RBFOX1: variants seen among roughly 807,000 people sequenced by gnomAD.
RBFOX1 encodes the protein RNA binding fox-1 homolog 1.
In RBFOX1, 8 loss-of-function variants were observed where a neutral mutation model predicts 57.7. The observed-to-expected ratio is 0.14, with a 90% CI of 0.08 to 0.25. RBFOX1 has a LOEUF of 0.25. Among genes scored for constraint, RBFOX1 ranks in the 10% least tolerant of loss-of-function variants. RBFOX1 has a pLI of 1.00. For missense variants in RBFOX1, 611 were observed against 548.5 expected (o/e 1.11, Z -1.14); for synonymous variants, 326 against 222.4 (o/e 1.47, Z -4.15).
At chr16:5,648,928 A>T (rs1452505330) in intron 3 of RBFOX1, among the ~76,000 whole-genome samples, 1 of 151,786 alleles carries the variant, frequency 6.6e-6, no homozygotes, top group African/African-American at 2.4e-5. Context: ...GCCGGGTGTG[A>T]TGGTTCTCAC....
At chr16:5,886,735 A>G (rs1481958324) in intron 4 of RBFOX1, among the ~76,000 whole-genome samples, 6 of 152,156 alleles carry the variant, frequency 3.9e-5, no homozygotes, top group Admixed American at 3.9e-4. Context: ...TTAAAATACA[A>G]AAATTAGCTC....
rs559937455 is a variant in RBFOX1 at position 6,493,570 on chromosome 16, G to C, written c.-63-161033G>C. 1.4e-4 allele frequency among the ~76,000 whole-genome samples: 22 copies of C among 152,164 alleles called. 1 individual carries two copies. In the South Asian group the frequency reaches 2.3e-3, roughly 16 times the overall value. ...TAGCTGTGTATGAAAATTGTATTTT[G>C]TGCCGAATTTCCCACTGTGAAAGAT... On this transcript the variant is annotated intron_variant, in intron 2 of 15. Coordinates refer to ENST00000550418, the MANE Select transcript of RBFOX1 (RefSeq NM_018723.4).
intron 1 of RBFOX1, among the ~76,000 whole-genome samples, chr16:6,154,138 G>A (rs537244460): frequency 7.9e-5 from 12 of 152,302 alleles, no homozygotes; most frequent in Non-Finnish European, 1.0e-4. Flanking sequence ...TCACGCTGAC[G>A]CTTACTAAGC....
chr16:5,306,123 C>T (rs559493513), intron 1 of RBFOX1, among the ~76,000 whole-genome samples: 77 of 152,228 alleles, frequency 5.1e-4, no homozygotes, highest in African/African-American at 1.7e-3. Context: ...ATTGCTTGAG[C>T]CCAGGAGGTT....
chr16:6,583,298 C>T (rs371185040), intron 2 of RBFOX1, among the ~76,000 whole-genome samples: 4 of 152,122 alleles, frequency 2.6e-5, no homozygotes, highest in Non-Finnish European at 2.9e-5. Flanking sequence ...CAGGAACTAC[C>T]TTTCCCTGAG....
At chr16:6,362,810 G>A (rs1252068462) in intron 2 of RBFOX1, among the ~76,000 whole-genome samples, 1 of 152,196 alleles carries the variant, frequency 6.6e-6, no homozygotes, top group East Asian at 1.9e-4. Flanking sequence ...CACTGGCAGT[G>A]CAACTTCATT....
chr16:6,693,716 C>G (rs1257129855), intron 3 of RBFOX1, among the ~76,000 whole-genome samples: 2 of 151,792 alleles, frequency 1.3e-5, no homozygotes, highest in South Asian at 2.1e-4. Flanking sequence ...TCCTCCACTA[C>G]CATCACCACC....
At chr16:7,001,487 C>T (rs932487827) in intron 3 of RBFOX1, among the ~76,000 whole-genome samples, 11 of 151,318 alleles carry the variant, frequency 7.3e-5, no homozygotes, top group South Asian at 4.2e-4. Flanking sequence ...GATGGAGTCT[C>T]GCTTTGTTGC....
chr16:5,729,694 G>C (rs1355158417), intron 3 of RBFOX1, among the ~76,000 whole-genome samples: 1 of 152,078 alleles, frequency 6.6e-6, no homozygotes, highest in Admixed American at 6.5e-5. Flanking sequence ...ATTTGGGTAG[G>C]GCTGTCGGAA....
intron 3 of RBFOX1, among the ~76,000 whole-genome samples, chr16:7,000,127 A>G (rs1568304935): frequency 6.6e-6 from 1 of 151,840 alleles, no homozygotes; most frequent in Non-Finnish European, 1.5e-5. Context: ...TATTATTTTT[A>G]AAGTTTTCAG....
chr16:5,575,538 C>T (rs961650527), intron 2 of RBFOX1, among the ~76,000 whole-genome samples: 1 of 152,190 alleles, frequency 6.6e-6, no homozygotes, highest in Non-Finnish European at 1.5e-5. Flanking sequence ...TCTGACAGTA[C>T]ACTGCCTGGC....
intron 1 of RBFOX1, among the ~76,000 whole-genome samples, chr16:6,238,877 G>C (rs2097525238): frequency 6.6e-6 from 1 of 152,162 alleles, no homozygotes; most frequent in South Asian, 2.1e-4. Context: ...ATCCCCTCAA[G>C]CATTTATTCT....
At chr16:7,328,335 G>A (rs1437675119) in intron 4 of RBFOX1, among the ~76,000 whole-genome samples, 2 of 151,792 alleles carry the variant, frequency 1.3e-5, no homozygotes, top group Non-Finnish European at 2.9e-5. Context: ...CAAAAATTAG[G>A]CAGGTGTGGT....
chr16:6,767,566 A>G (rs924394246), intron 3 of RBFOX1, among the ~76,000 whole-genome samples: 2 of 152,156 alleles, frequency 1.3e-5, no homozygotes, highest in African/African-American at 4.8e-5. Context: ...AATAATGTCA[A>G]ATATAGCATT....
At position 6,515,400 on chromosome 16, in the gene RBFOX1, T is replaced by G. The variant is rs540611815; in HGVS notation, c.-63-139203T>G. 2.0e-5 allele frequency among the ~76,000 whole-genome samples: 3 copies of G among 152,316 alleles called. No individual in the cohort carries two copies. The East Asian group carries it at 5.8e-4, about 29-fold the overall frequency. ...TGAGCATTACGTAAAACCAAACATA[T>G]GAGCCTGAGATTTAGAGTCCTCCCA... On this transcript the variant is annotated intron_variant, in intron 2 of 15. Coordinates refer to ENST00000550418, the MANE Select transcript of RBFOX1 (RefSeq NM_018723.4).
chr16:5,893,511 C>T (rs946506032), intron 4 of RBFOX1, among the ~76,000 whole-genome samples: 3 of 152,062 alleles, frequency 2.0e-5, no homozygotes, highest in Non-Finnish European at 4.4e-5. Context: ...TACCTGTGTC[C>T]ATCTGTTTTA....
rs189535496 is a variant in RBFOX1 at position 5,282,732 on chromosome 16, G to T, written c.219+42627G>T. Among the ~76,000 whole-genome samples, 221 of 152,328 alleles carry T rather than the reference G, an allele frequency of 1.5e-3. 1 individual carries two copies. The highest frequency in any genetic ancestry group is 5.1e-3 in the African/African-American group (210 of 41,572). On this transcript the variant is annotated intron_variant, in intron 1 of 2. Coordinates refer to the RBFOX1 transcript ENST00000585867. ...AAAGCATTCAACACATGACTTGGGT[G>T]CTGTTAAAGGCACTCAGTTTTATAA...
intron 3 of RBFOX1, among the ~76,000 whole-genome samples, chr16:6,859,513 C>G (rs1427284633): frequency 6.6e-6 from 1 of 151,852 alleles, no homozygotes; most frequent in Non-Finnish European, 1.5e-5. Context: ...GCCCATGGAC[C>G]TGCAAATTTC....
At chr16:6,878,276 C>A (rs566291329) in intron 3 of RBFOX1, among the ~76,000 whole-genome samples, 13 of 152,236 alleles carry the variant, frequency 8.5e-5, no homozygotes, top group African/African-American at 2.4e-4. Context: ...TTGAGTGAGG[C>A]CATGAGAGCA....
Sources: allele counts gnomAD v4.1 joint callset (sites outside exome capture counted in the v4.1 genomes callset), GRCh38; gene constraint gnomAD v4.1.1; transcripts MANE v1.5; gene names NCBI Gene and HGNC (gene_info 2026-07-23, HGNC 2026-07-21).